REV1: variants seen among roughly 807,000 people sequenced by gnomAD.
REV1 encodes the protein translesion synthesis protein REV1.
In REV1, 42 loss-of-function variants were observed where a neutral mutation model predicts 137.4. That is an observed-to-expected ratio of 0.31 (90% CI 0.24 to 0.40). REV1 has a LOEUF of 0.40. REV1 is among the 10% of genes least tolerant of loss of function. The pLI is 1.00. For synonymous variants in REV1, 524 were observed against 519.2 expected (o/e 1.01, Z -0.12); for missense variants, 1,282 against 1,490.1 (o/e 0.86, Z 2.30).
chr2:99,424,676 G>T, intron 9 of REV1: 3 of 1,064,374 alleles, frequency 2.8e-6, no homozygotes, highest in Non-Finnish European at 3.7e-6. Flanking sequence ...GGCACAGTTT[G>T]GCCAGGGTTC....
chr2:99,434,963 T>TA (rs1680557229), intron 7 of REV1, among the ~76,000 whole-genome samples: 1 of 152,194 alleles, frequency 6.6e-6, no homozygotes, highest in Non-Finnish European at 1.5e-5. Flanking sequence ...CTTACTTTCC[T>TA]GTATCATTTC....
At chr2:99,476,986 G>T (rs1686050124) in intron 1 of REV1, among the ~76,000 whole-genome samples, 1 of 152,178 alleles carries the variant, frequency 6.6e-6, no homozygotes, top group African/African-American at 2.4e-5. Context: ...AGCCCTTTCA[G>T]GAGTTCTTTG....
intron 1 of REV1, among the ~76,000 whole-genome samples, chr2:99,480,217 G>A (rs549535200): frequency 1.1e-4 from 16 of 152,252 alleles, no homozygotes; most frequent in Admixed American, 9.2e-4. Context: ...CAGCTACTTG[G>A]GAGAGTGGGA....
chr2:99,423,407 C>T (rs1205987073), intron 10 of REV1, among the ~76,000 whole-genome samples: 1 of 152,206 alleles, frequency 6.6e-6, no homozygotes, highest in African/African-American at 2.4e-5. Flanking sequence ...CATTCATATA[C>T]ATTCCCCGTG....
chr2:99,433,525 G>A (rs188684130), intron 8 of REV1, among the ~76,000 whole-genome samples: 7 of 152,286 alleles, frequency 4.6e-5, no homozygotes, highest in Admixed American at 4.6e-4. Flanking sequence ...TTTCATTGGA[G>A]TCATTGTGAC....
chr2:99,476,003 A>T (rs1685927383), intron 1 of REV1, among the ~76,000 whole-genome samples: 1 of 152,194 alleles, frequency 6.6e-6, no homozygotes. Context: ...ATAAATGAAA[A>T]TAAACAAATG....
intron 4 of REV1, among the ~76,000 whole-genome samples, chr2:99,446,727 T>G (rs1682271657): frequency 6.6e-6 from 1 of 152,082 alleles, no homozygotes; most frequent in African/African-American, 2.4e-5. Flanking sequence ...ACTCCTGACC[T>G]CGTGATCCAC....
chr2:99,467,696 G>C (rs1349008548), intron 1 of REV1, among the ~76,000 whole-genome samples: 2 of 152,200 alleles, frequency 1.3e-5, no homozygotes. Context: ...ATTGGAAGTA[G>C]ACAGACCAAA....
intron 21 of REV1, 123 bp downstream of exon 21, chr2:99,402,521 C>A (rs1675614823): frequency 9.8e-7 from 1 of 1,020,740 alleles, no homozygotes; most frequent in South Asian, 1.6e-5. Context: ...TTGGGGGTAG[C>A]TGCTTTAAGC....
intron 1 of REV1, among the ~76,000 whole-genome samples, chr2:99,479,326 C>CAAA (rs60839666): frequency 2.3e-4 from 22 of 96,832 alleles, no homozygotes; most frequent in African/African-American, 5.8e-4. Flanking sequence ...GACTCTGTCT[C>CAAA]AAAAAAAAAA....
At chr2:99,451,255 A>T in intron 3 of REV1, 20 of 700,760 alleles carry the variant, frequency 2.9e-5, no homozygotes, top group Non-Finnish European at 3.7e-5. Flanking sequence ...CTATTTAATG[A>T]CTTAAATAGA....
At chr2:99,437,076 C>G (rs372862152) in intron 6 of REV1, among the ~76,000 whole-genome samples, 188 of 150,728 alleles carry the variant, frequency 1.2e-3, no homozygotes, top group African/African-American at 4.3e-3. Context: ...ACCCCTAGGG[C>G]TCAAACAATC....
At chr2:99,403,585 T>C in intron 19 of REV1, 110 bp downstream of exon 19, 1 of 1,356,572 alleles carries the variant, frequency 7.4e-7, no homozygotes, top group Non-Finnish European at 1.0e-6. Context: ...TATGAAGAGC[T>C]CTTAATGCAA....
At chr2:99,415,814 G>A (rs1226778891) in intron 12 of REV1, among the ~76,000 whole-genome samples, 4 of 152,266 alleles carry the variant, frequency 2.6e-5, no homozygotes, top group African/African-American at 2.4e-5. Flanking sequence ...GCTGAATGAG[G>A]TGCAGAGGGC....
chr2:99,437,243 A>C (rs749108525), intron 6 of REV1, among the ~76,000 whole-genome samples: 1 of 151,976 alleles, frequency 6.6e-6, no homozygotes, highest in Admixed American at 6.6e-5. Flanking sequence ...TCGGCCTCCG[A>C]AAGTGTGCGA....
chr2:99,453,171 C>T (rs1683113312), intron 3 of REV1, among the ~76,000 whole-genome samples: 1 of 151,998 alleles, frequency 6.6e-6, no homozygotes. Flanking sequence ...CCATCCTGGC[C>T]AACATGGTGA....
chr2:99,414,175 GA>G (rs1677548147), intron 12 of REV1, among the ~76,000 whole-genome samples: 1 of 152,126 alleles, frequency 6.6e-6, no homozygotes, highest in African/African-American at 2.4e-5. Flanking sequence ...AGCTCAGAGT[GA>G]AGTCTGCTAA....
intron 21 of REV1, 46 bp from the exon 22 acceptor site, chr2:99,402,392 G>A (rs1331615733): frequency 1.1e-5 from 10 of 949,260 alleles, no homozygotes; most frequent in Non-Finnish European, 1.5e-5. Context: ...CTTTTTGAAG[G>A]AGAAAGTCAG....
rs1486702228 is a variant in REV1 at position 99,405,950 on chromosome 2, G to A, written c.2771C>T (p.Ser924Leu). Residue 924 changes from serine to leucine, a missense_variant, in exon 17 of 23, where the codon TCG (serine) becomes TTG (leucine). By Grantham distance (145) the Ser-to-Leu change is moderately radical (BLOSUM62 -2). This residue lies in a region of REV1 where 135 missense variants were observed against 123.3 expected (regional missense o/e 1.10). Transcript: ENST00000258428. ...GACCTCTATACTCAGGTTAAGTCTC[G>A]ACTGCACACTGACAGGAGTATGTAG... ...NGLHTPVSVQ[S>L]RLNLSIEVPS... The A allele has an allele frequency of 5.0e-6, 8 of 1,609,650 alleles. No homozygotes were observed. The highest frequency in any genetic ancestry group is 2.2e-5 in the South Asian group (2 of 90,068).
Sources: gnomAD v4.1 joint callset for allele counts (sites outside exome capture counted in the v4.1 genomes callset) on GRCh38, gnomAD v4.1.1 for gene constraint, gnomAD v4.1.1 regional missense constraint, MANE v1.5 for transcripts, NCBI Gene and HGNC (gene_info 2026-07-23, HGNC 2026-07-21) for gene names.